Variants in SHISA9 observed in about 807,000 individuals in gnomAD.
SHISA9 encodes shisa family member 9, also known as protein shisa-9.
SHISA9 carries 13 observed loss-of-function variants against 38.0 expected under a neutral mutation model. The observed-to-expected ratio is 0.34, with a 90% CI of 0.22 to 0.54. The LOEUF (loss-of-function observed/expected upper bound fraction) is 0.54. SHISA9 is among the 20% of genes least tolerant of loss of function. SHISA9 has a pLI of 0.91. For missense variants in SHISA9, 538 were observed against 575.8 expected, an observed-to-expected ratio of 0.93 and a Z score of 0.67; for synonymous variants, 275 against 242.0, an observed-to-expected ratio of 1.14 and a Z score of -1.27.
chr16:12,924,840 T>C (rs2141732653), intron 2 of SHISA9, among the ~76,000 whole-genome samples: 1 of 152,306 alleles, frequency 6.6e-6, no homozygotes, highest in African/African-American at 2.4e-5. Flanking sequence ...GTATTTGCTG[T>C]GTACTTGTTC....
At chr16:13,485,888 A>T in the SHISA9 span, among the ~76,000 whole-genome samples, 1 of 152,182 alleles carries the variant, frequency 6.6e-6, no homozygotes, top group Non-Finnish European at 1.5e-5. Context: ...AGAATCTGAG[A>T]TGTTTATCTC....
intron 2 of SHISA9, among the ~76,000 whole-genome samples, chr16:13,195,832 A>G (rs1414230486): frequency 6.6e-6 from 1 of 152,094 alleles, no homozygotes; most frequent in African/African-American, 2.4e-5. Flanking sequence ...TCACGCCTGT[A>G]ATCTCAACAC....
downstream of SHISA9, among the ~76,000 whole-genome samples, chr16:13,241,105 G>A (rs1314086080): frequency 6.6e-6 from 1 of 152,148 alleles, no homozygotes; most frequent in Non-Finnish European, 1.5e-5. Flanking sequence ...CGTGAGCTTG[G>A]GTGTTTACGT....
chr16:13,458,069 T>G, the SHISA9 span, among the ~76,000 whole-genome samples: 1 of 152,128 alleles, frequency 6.6e-6, no homozygotes, highest in Non-Finnish European at 1.5e-5. Flanking sequence ...TATTGTTCAA[T>G]GAGTGGATGA....
chr16:12,930,094 A>G (rs537842058), intron 2 of SHISA9, among the ~76,000 whole-genome samples: 6 of 151,900 alleles, frequency 3.9e-5, no homozygotes, highest in Non-Finnish European at 8.8e-5. Context: ...CTCCTTTCAC[A>G]TTTTCCCCAC....
At chr16:13,387,414 A>G in the SHISA9 span, among the ~76,000 whole-genome samples, 3 of 152,134 alleles carry the variant, frequency 2.0e-5, no homozygotes, top group Non-Finnish European at 4.4e-5. Flanking sequence ...GACTGGATTC[A>G]TGTTGCTGCA....
chr16:13,230,650 A>G (rs2051323213), intron 4 of SHISA9, among the ~76,000 whole-genome samples: 2 of 152,168 alleles, frequency 1.3e-5, no homozygotes, highest in Non-Finnish European at 2.9e-5. Context: ...GGTTTCTTGG[A>G]TCTCATGCAA....
chr16:13,540,193 CCACACACACACA>C, the SHISA9 span, among the ~76,000 whole-genome samples: 8 of 149,630 alleles, frequency 5.3e-5, no homozygotes, highest in African/African-American at 1.7e-4. Flanking sequence ...GCATACATGC[CCACACACACACA>C]CACACACACA....
chr16:13,471,858 C>G, the SHISA9 span, among the ~76,000 whole-genome samples: 1 of 152,026 alleles, frequency 6.6e-6, no homozygotes, highest in Non-Finnish European at 1.5e-5. Context: ...TACAGGTCAG[C>G]TAGTGTTATA....
the SHISA9 span, among the ~76,000 whole-genome samples, chr16:13,356,511 G>C: frequency 5.3e-5 from 8 of 152,146 alleles, no homozygotes; most frequent in South Asian, 2.1e-4. Context: ...GTCACGGAAC[G>C]AAACGGTAAG....
At chr16:12,925,556 A>G (rs945255081) in intron 2 of SHISA9, among the ~76,000 whole-genome samples, 4 of 152,128 alleles carry the variant, frequency 2.6e-5, no homozygotes, top group African/African-American at 7.2e-5. Context: ...AAAAATTGCT[A>G]CTAATGCTGG....
At chr16:13,169,009 T>G (rs182925988) in intron 2 of SHISA9, among the ~76,000 whole-genome samples, 5 of 152,350 alleles carry the variant, frequency 3.3e-5, no homozygotes, top group Admixed American at 6.5e-5. Flanking sequence ...TGGAACCTAT[T>G]GAGGCATGGA....
intron 2 of SHISA9, among the ~76,000 whole-genome samples, chr16:12,948,350 C>T (rs552903521): frequency 6.6e-6 from 1 of 152,218 alleles, no homozygotes; most frequent in Admixed American, 6.5e-5. Context: ...GACTTACTCA[C>T]CCTGGAAAAA....
intron 2 of SHISA9, among the ~76,000 whole-genome samples, chr16:13,191,946 T>C (rs2050889541): frequency 6.6e-6 from 1 of 151,964 alleles, no homozygotes; most frequent in East Asian, 1.9e-4. Flanking sequence ...ACCAATGAAG[T>C]GGAAGGAGTG....
At chr16:12,965,930 G>A (rs2071972302) in intron 2 of SHISA9, among the ~76,000 whole-genome samples, 1 of 152,158 alleles carries the variant, frequency 6.6e-6, no homozygotes. Context: ...TAGAAGAACA[G>A]GGGACATTTT....
the SHISA9 span, among the ~76,000 whole-genome samples, chr16:13,363,217 G>A: frequency 1.6e-4 from 24 of 152,302 alleles, no homozygotes; most frequent in East Asian, 4.6e-3. Context: ...ATTTGTGTAA[G>A]GCTCAGCAAA....
At chr16:13,113,140 G>A (rs922115218) in intron 2 of SHISA9, among the ~76,000 whole-genome samples, 2 of 144,916 alleles carry the variant, frequency 1.4e-5, no homozygotes, top group Non-Finnish European at 3.0e-5. Context: ...AACCCAGAAG[G>A]CAGAGGTTGC....
chr16:13,409,703 C>G, the SHISA9 span, among the ~76,000 whole-genome samples: 1 of 152,192 alleles, frequency 6.6e-6, no homozygotes, highest in Admixed American at 6.5e-5. Context: ...TCTCAAAATG[C>G]CCCCAGCCTC....
chr16:13,333,744 A>G, the SHISA9 span, among the ~76,000 whole-genome samples: 8 of 152,170 alleles, frequency 5.3e-5, no homozygotes, highest in Non-Finnish European at 4.4e-5. Context: ...AACGTAAACT[A>G]CCCTGTTTTA....
Sources: allele counts gnomAD v4.1 joint callset (sites outside exome capture counted in the v4.1 genomes callset), GRCh38; gene constraint gnomAD v4.1.1; transcripts MANE v1.5; gene names NCBI Gene and HGNC (gene_info 2026-07-23, HGNC 2026-07-21).